The following KLC3 variants were observed in gnomAD, a reference collection of about 807,000 sequenced individuals.
The protein encoded by KLC3 is kinesin light chain 3, also known as kinesin light chain 2.
In KLC3, 72 loss-of-function variants were observed where a neutral mutation model predicts 62.9. The ratio of observed to expected loss-of-function variants is 1.15; its 90% confidence interval spans 0.95 to 1.39. The LOEUF is 1.39. Ranked by LOEUF, KLC3 falls within the 40% of genes most tolerant of loss-of-function variation. The probability of loss-of-function intolerance (pLI) is 0.00; values close to 1 mark genes in which losing one functional copy is unlikely to be tolerated. For missense variants in KLC3, 848 were observed against 691.6 expected, an observed-to-expected ratio of 1.23 and a Z score of -2.54; for synonymous variants, 377 against 300.5, an observed-to-expected ratio of 1.25 and a Z score of -2.63.
In KLC3 at chr19:45,347,630, G is replaced by A. The variant is rs905042259; in HGVS notation, c.559+114G>A. 3.1e-6 allele frequency: 3 copies of A among 958,406 alleles called. No individual in the cohort carries two copies. In the African/African-American group the frequency reaches 4.9e-5, roughly 16 times the overall value. The allele number at this position is 958,406 out of a possible 1,614,324, so 59.4% of individuals were successfully genotyped here. A position where few individuals can be genotyped will look rare whatever the true frequency, so the allele number is the denominator to read the frequency against. ...GGGGATGGGGAGGTGAGGGCAGGGT[G>A]AGGAGGACCCTGAATGTGACAGTGC... On this transcript the variant is annotated intron_variant, in intron 4 of 12. Coordinates refer to ENST00000391946, the MANE Select transcript of KLC3 (RefSeq NM_177417.3).
At position 45,347,503 on chromosome 19, in the gene KLC3, GGAGGA is replaced by G; in HGVS notation, c.552_556del (p.Lys186SerfsTer2). 2 of 1,612,882 alleles carry G rather than the reference GGAGGA, an allele frequency of 1.2e-6. No homozygotes were observed. Among genetic ancestry groups the G allele is most frequent in the Non-Finnish European group, 1.7e-6 (2 of 1,179,394 alleles). On this transcript the variant is annotated frameshift_variant, in exon 4 of 13. Coordinates refer to ENST00000391946, the MANE Select transcript of KLC3 (RefSeq NM_177417.3). LOFTEE classifies it high-confidence loss of function. ...TGGCCTCCCTGTTCCCCAGCGAGGA[GGAGGA>G]GAGGAAAGGTGGGTGTTGGGAGTAC...
At chr19:45,344,209 A>G (rs1599704972) in intron 1 of KLC3, among the ~76,000 whole-genome samples, 1 of 126,204 alleles carries the variant, frequency 7.9e-6, no homozygotes, top group African/African-American at 3.2e-5. Flanking sequence ...GTGTGTGTGT[A>G]CCGTCTTTTT....
chr19:45,350,485 ATCTCAGTGTCCCCC>A lies in KLC3; in HGVS notation c.1235-28_1235-15del, dbSNP rs766620312. 3.1e-6 allele frequency: 5 copies of A among 1,612,364 alleles called. No homozygotes were observed. The South Asian group carries it at 5.5e-5, about 18-fold the overall frequency. Reference sequence around the variant, plus strand: ...CTCCTGGTGGCTTCTCTATGTCCCCATCTCAGTGTCCCCCATCTTTCCCCCTAGGTGCCCCCAAC... The same window carrying A: ...CTCCTGGTGGCTTCTCTATGTCCCCAATCTTTCCCCCTAGGTGCCCCCAAC... On this transcript the variant is annotated splice_polypyrimidine_tract_variant and intron_variant, in intron 9 of 12. Transcript: ENST00000391946.
intron 1 of KLC3, among the ~76,000 whole-genome samples, chr19:45,341,586 C>CGCGCGCGT (rs746391396): frequency 1.7e-5 from 2 of 114,524 alleles, no homozygotes; most frequent in Non-Finnish European, 3.8e-5. Flanking sequence ...TGTGCGCGCG[C>CGCGCGCGT]GCGTGTGGTG....
rs1568519531 is a variant in KLC3 at position 45,341,801 on chromosome 19, G to GCA, written c.-9+955_-9+956insCA. Among the ~76,000 whole-genome samples, 332 of 124,218 alleles carry GCA rather than the reference G, an allele frequency of 2.7e-3. 1 individual carries two copies. The highest frequency in any genetic ancestry group is 0.011 in the African/African-American group (268 of 24,716). The allele number at this position is 124,218 out of a possible 152,430, so 81.5% of individuals were successfully genotyped here. ...CGTGTGTGTGTGTGTGTGTGTGTGTGTAGAGAGGAACTAGAGGGTGTGTGA... is the reference window on the plus strand; with the variant it reads ...CGTGTGTGTGTGTGTGTGTGTGTGTGCATAGAGAGGAACTAGAGGGTGTGTGA... On this transcript the variant is annotated intron_variant, in intron 1 of 12. Transcript: ENST00000391946.
intron 1 of KLC3, among the ~76,000 whole-genome samples, chr19:45,344,557 G>A (rs550467304): frequency 1.3e-5 from 2 of 152,084 alleles, no homozygotes; most frequent in African/African-American, 2.4e-5. Flanking sequence ...GCGTGTGTGT[G>A]TCAAATTGTA....
At chr19:45,350,483 C>T in intron 9 of KLC3, 31 bp from the exon 10 acceptor site, 1 of 1,613,704 alleles carries the variant, frequency 6.2e-7, no homozygotes, top group Non-Finnish European at 8.5e-7. Context: ...CTCTATGTCC[C>T]CATCTCAGTG....
intron 8 of KLC3, chr19:45,350,088 CAAGGCTTTAGGCAGGGG>C (rs1568526556): frequency 3.8e-6 from 2 of 520,498 alleles, no homozygotes; most frequent in African/African-American, 1.9e-5. Flanking sequence ...TGCCCCAGGG[CAAGGCTTTAGGCAGGGG>C]AAGGATACGG....
At chr19:45,350,586 G>A (rs1971692050) in intron 10 of KLC3, 35 bp downstream of exon 10, 1 of 1,613,762 alleles carries the variant, frequency 6.2e-7, no homozygotes, top group South Asian at 1.1e-5. Context: ...CCTGGGGTGG[G>A]CGTGGGGACT....
In KLC3 at chr19:45,351,406, G is replaced by C; in HGVS notation, c.*49G>C. Reference sequence around the variant, plus strand: ...CAGCTTCTTGGGAACAGTGCAGGAGGGATGGGCTGGTGGGGTGAGAGGGGG... The same window carrying C: ...CAGCTTCTTGGGAACAGTGCAGGAGCGATGGGCTGGTGGGGTGAGAGGGGG... On this transcript the variant is annotated 3_prime_UTR_variant, in exon 13 of 13. Transcript: ENST00000391946. 1 of 1,599,046 alleles carries C rather than the reference G, an allele frequency of 6.3e-7. No homozygotes were observed. Among genetic ancestry groups the C allele is most frequent in the African/African-American group, 1.3e-5 (1 of 74,902 alleles).
Position 45,346,571 on chromosome 19 carries a change from G to C in KLC3, c.286G>C (p.Gly96Arg). 1 of 1,546,264 alleles carries C rather than the reference G, an allele frequency of 6.5e-7. No individual in the cohort carries two copies. The highest frequency in any genetic ancestry group is 8.7e-7 in the Non-Finnish European group (1 of 1,144,526). Residue 96 changes from glycine to arginine, a missense_variant, in exon 3 of 13, where the codon GGT becomes CGT. Transcript: ENST00000391946. ...GCTGCTGGCCCTGTCGGCACATGTG[G>C]GTGCACTGGAGGCAGAGAAGCAGCG... ...QVLLALSAHV[G>R]ALEAEKQRLR...
chr19:45,350,582 G>GTGGGCGTGGGGACTGCATGGGCC, intron 10 of KLC3, 31 bp downstream of exon 10: 1 of 1,613,896 alleles, frequency 6.2e-7, no homozygotes, highest in Non-Finnish European at 8.5e-7. Flanking sequence ...GGCTCCTGGG[G>GTGGGCGTGGGGACTGCATGGGCC]TGGGCGTGGG....
intron 7 of KLC3, among the ~76,000 whole-genome samples, chr19:45,349,155 T>TC (rs779955598): frequency 8.6e-5 from 13 of 151,544 alleles, no homozygotes; most frequent in Non-Finnish European, 1.5e-4. Flanking sequence ...TCCAACTGGG[T>TC]CCCCCCATAG....
chr19:45,346,973 T>C (rs1160403498), intron 3 of KLC3, 199 bp downstream of exon 3: 15 of 472,198 alleles, frequency 3.2e-5, no homozygotes, highest in Non-Finnish European at 5.1e-5. Context: ...ACGCCCCCAC[T>C]AGCTACTCCA....
At chr19:45,342,533 G>C (rs907482202) in intron 1 of KLC3, among the ~76,000 whole-genome samples, 1 of 152,130 alleles carries the variant, frequency 6.6e-6, no homozygotes, top group African/African-American at 2.4e-5. Flanking sequence ...GCCAAGGGGG[G>C]AGCGGGTGGA....
chr19:45,350,744 C>G lies in KLC3; in HGVS notation c.1376C>G (p.Ala459Gly), dbSNP rs1181536488. The G allele has an allele frequency of 1.2e-6, 2 of 1,609,806 alleles. No individual in the cohort carries two copies. Among genetic ancestry groups the G allele is most frequent in the Admixed American group, 3.4e-5 (2 of 59,210 alleles). The change falls in exon 11 of 13, where the codon GCC becomes GGC. Residue 459 changes from alanine to glycine, a missense_variant. Transcript: ENST00000391946. ...RLRGEAAAGA[A>G]GMKRAMSLNT... ...CGAGGCGAGGCGGCGGCAGGAGCAG[C>G]CGGGTGAGTGTTGATCAGGTCGGCA... is the stretch of plus-strand genomic sequence containing the variant.
At chr19:45,349,394 T>C (rs377276099) in intron 7 of KLC3, 35 bp from the exon 8 acceptor site, 1 of 1,574,246 alleles carries the variant, frequency 6.4e-7, no homozygotes, top group Non-Finnish European at 8.6e-7. Flanking sequence ...ACCAATCCTG[T>C]ATGATCCCTC....
chr19:45,347,102 G>A (rs1046857607), intron 3 of KLC3: 26 of 416,108 alleles, frequency 6.2e-5, no homozygotes, highest in Non-Finnish European at 1.7e-5. Flanking sequence ...CAACACTTTG[G>A]GAGGCCGAGG....
At position 45,340,810 on chromosome 19, in the gene KLC3, A is replaced by G. The variant is rs1304574361; in HGVS notation, c.-45A>G. ...TGGCCTGCGGGACGCGACTGATCGC[A>G]GTGGGGCGAAGCGGGGCCGGAGCCG... On this transcript the variant is annotated 5_prime_UTR_variant, in exon 1 of 13. Transcript: ENST00000391946. The G allele has an allele frequency of 6.6e-6, 1 of 151,762 alleles. No homozygotes were observed. Among genetic ancestry groups the G allele is most frequent in the African/African-American group, 2.4e-5 (1 of 41,250 alleles). The allele number at this position is 151,762 out of a possible 1,614,324, so 9.4% of individuals were successfully genotyped here. A position where few individuals can be genotyped will look rare whatever the true frequency, so the allele number is the denominator to read the frequency against.
Sources: allele counts gnomAD v4.1 joint callset (sites outside exome capture counted in the v4.1 genomes callset), GRCh38; gene constraint gnomAD v4.1.1; transcripts MANE v1.5; gene names NCBI Gene and HGNC (gene_info 2026-07-23, HGNC 2026-07-21).